GRIP2: variants seen among roughly 807,000 people sequenced by gnomAD.
GRIP2 encodes glutamate receptor interacting protein 2.
Under a neutral mutation model 108.3 loss-of-function variants are expected in GRIP2, and 58 were observed. That is an observed-to-expected ratio of 0.54 (90% CI 0.43 to 0.67). The LOEUF is 0.67. Ranked by LOEUF, GRIP2 falls within the 30% of genes least tolerant of loss-of-function variation. The pLI, the probability that GRIP2 is intolerant of heterozygous loss-of-function variation, is 0.00. For synonymous variants in GRIP2, 586 were observed against 598.2 expected (o/e 0.98, Z 0.30); for missense variants, 1,278 against 1,430.6 (o/e 0.89, Z 1.72).
At chr3:14,496,344 C>T in intron 22 of GRIP2, 73 bp downstream of exon 22, 3 of 1,354,896 alleles carry the variant, frequency 2.2e-6, no homozygotes, top group Non-Finnish European at 3.0e-6. Context: ...CAGGGCCCCT[C>T]TGGAGTCCCA....
chr3:14,595,649 C>G, the GRIP2 span, among the ~76,000 whole-genome samples: 327 of 152,340 alleles, frequency 2.1e-3, 1 homozygote, highest in Non-Finnish European at 4.0e-3. Context: ...ACCCACCCAG[C>G]CTTGGTGTGG....
At chr3:14,501,015 C>T (rs1259634641) in intron 21 of GRIP2, among the ~76,000 whole-genome samples, 1 of 152,248 alleles carries the variant, frequency 6.6e-6, no homozygotes, top group African/African-American at 2.4e-5. Flanking sequence ...AAGGCCATGG[C>T]CTTCCCTTCA....
chr3:14,586,791 T>G, the GRIP2 span, among the ~76,000 whole-genome samples: 1 of 152,218 alleles, frequency 6.6e-6, no homozygotes, highest in African/African-American at 2.4e-5. Context: ...ACAACCTTGA[T>G]GTCCAACCAT....
chr3:14,577,844 C>A, the GRIP2 span, among the ~76,000 whole-genome samples: 1 of 152,200 alleles, frequency 6.6e-6, no homozygotes. Flanking sequence ...CAGTGTCCCT[C>A]TGCCCTGATG....
chr3:14,597,524 T>C, the GRIP2 span, among the ~76,000 whole-genome samples: 3 of 152,218 alleles, frequency 2.0e-5, no homozygotes, highest in African/African-American at 7.2e-5. Flanking sequence ...ATGCTAAATC[T>C]TCTGCAGCCC....
rs377070928 is a variant in GRIP2, at chr3:14,540,333, C to T, written c.-25G>A. ...TGTTCGCTATTGTCTCCCCTGCTGC[C>T]CACCAACTCCCTCGGGAGCCACGCT... On this transcript the variant is annotated 5_prime_UTR_variant, in exon 1 of 24. Transcript: ENST00000621039. This position sits in a 1 kb window ranked among gnomAD's most constrained non-coding sequence, Gnocchi z 4.1. 1.3e-5 allele frequency: 21 copies of T among 1,613,180 alleles called. No individual in the cohort carries two copies. Among genetic ancestry groups the T allele is most frequent in the Admixed American group, 3.3e-5 (2 of 59,934 alleles).
chr3:14,590,781 G>A, the GRIP2 span, among the ~76,000 whole-genome samples: 12 of 152,254 alleles, frequency 7.9e-5, no homozygotes, highest in African/African-American at 2.9e-4. Flanking sequence ...AGGTGATTAA[G>A]TGTATAAAGG....
At position 14,491,746 on chromosome 3, in the gene GRIP2, G is replaced by C. The variant is rs1022370074; in HGVS notation, c.*1919C>G. On this transcript the variant is annotated 3_prime_UTR_variant, in exon 24 of 24. Transcript: ENST00000621039. ...CTGTCCAGCCCTGTTGCTTAGCAGAGGTCCAGAGAGGCTGAGCCACCTGTC... is the reference window on the plus strand; with the variant it reads ...CTGTCCAGCCCTGTTGCTTAGCAGACGTCCAGAGAGGCTGAGCCACCTGTC... 2 of 152,350 alleles carry C rather than the reference G, an allele frequency of 1.3e-5. No homozygotes were observed. Among genetic ancestry groups the C allele is most frequent in the African/African-American group, 4.8e-5 (2 of 41,454 alleles). 9.4% of individuals were successfully genotyped at this position (152,350 alleles called of 1,614,324 possible). A position where few individuals can be genotyped will look rare whatever the true frequency, so the allele number is the denominator to read the frequency against.
At chr3:14,580,201 G>A in the GRIP2 span, among the ~76,000 whole-genome samples, 1 of 152,184 alleles carries the variant, frequency 6.6e-6, no homozygotes, top group Non-Finnish European at 1.5e-5. Flanking sequence ...AGTAGTCCAT[G>A]GAGACCACAC....
chr3:14,503,914 G>A (rs1055968571), intron 20 of GRIP2: 2 of 541,560 alleles, frequency 3.7e-6, no homozygotes, highest in Non-Finnish European at 6.6e-6. Context: ...GTTAGAACAG[G>A]GGCAGATGAG....
chr3:14,548,214 G>C (rs1026497523), intron 1 of GRIP2, among the ~76,000 whole-genome samples: 4 of 152,236 alleles, frequency 2.6e-5, no homozygotes, highest in Admixed American at 1.3e-4. Context: ...GGGCCCTAAA[G>C]AGCAGGTGGG....
chr3:14,528,999 G>C (rs1272558600), intron 1 of GRIP2, among the ~76,000 whole-genome samples: 2 of 152,106 alleles, frequency 1.3e-5, no homozygotes, highest in East Asian at 3.9e-4. Context: ...GGCTGGGCGT[G>C]GTGGCTCACG....
intron 17 of GRIP2, among the ~76,000 whole-genome samples, chr3:14,508,921 A>G (rs1413884261): frequency 1.3e-5 from 2 of 152,196 alleles, no homozygotes; most frequent in African/African-American, 2.4e-5. Flanking sequence ...ACTGAGCTAC[A>G]TCAGCCCGGC....
Position 14,522,813 on chromosome 3 carries a change from T to C in GRIP2, c.566+187A>G, listed in dbSNP as rs1463027029. On this transcript the variant is annotated intron_variant, in intron 6 of 23. Coordinates refer to ENST00000621039, the MANE Select transcript of GRIP2 (RefSeq NM_001080423.4). The surrounding 1 kb of genome is among the most constrained non-coding windows in gnomAD (Gnocchi z 4.3). ...ATGTTGGGGAAGAAAGGGCTCGAGG[T>C]TTCCCTCATTTGGGGTTACATCCCG... The C allele has an allele frequency of 3.4e-6, 2 of 585,884 alleles. No individual in the cohort carries two copies. The highest frequency in any genetic ancestry group is 6.2e-5 in the East Asian group (2 of 32,412). 36.3% of individuals were successfully genotyped at this position (585,884 alleles called of 1,614,324 possible). A position where few individuals can be genotyped will look rare whatever the true frequency, so the allele number is the denominator to read the frequency against.
chr3:14,558,509 G>A (rs1202448278), upstream of GRIP2, among the ~76,000 whole-genome samples: 1 of 152,204 alleles, frequency 6.6e-6, no homozygotes, highest in African/African-American at 2.4e-5. Context: ...AGCTGAAATT[G>A]ACGTGTGGAG....
chr3:14,490,321 G>GC lies in GRIP2; in HGVS notation c.*3343dup, dbSNP rs1233616816. ...GCTCTTGCAAAGCGCTTAGAGCAAG[G>GC]CCTGCTGCCTCCCTTGGCCTTCCCC... On this transcript the variant is annotated 3_prime_UTR_variant, in exon 24 of 24. Coordinates refer to ENST00000621039, the MANE Select transcript of GRIP2 (RefSeq NM_001080423.4). The GC allele has an allele frequency of 6.6e-6, 1 of 152,474 alleles. No individual in the cohort carries two copies. Among genetic ancestry groups the GC allele is most frequent in the Non-Finnish European group, 1.5e-5 (1 of 68,224 alleles). 9.4% of individuals were successfully genotyped at this position (152,474 alleles called of 1,614,324 possible).
the GRIP2 span, among the ~76,000 whole-genome samples, chr3:14,602,583 CCCG>C: frequency 1.3e-5 from 2 of 151,706 alleles, no homozygotes; most frequent in Non-Finnish European, 2.9e-5. The surrounding 1 kb of genome is among the most constrained non-coding windows in gnomAD (Gnocchi z 4.7). Flanking sequence ...AGGAGCCCGA[CCCG>C]CCGGCCGGGC....
At chr3:14,542,157 T>A (rs1029615373), upstream of GRIP2, 50 of 1,008,572 alleles carry the variant, frequency 5.0e-5, no homozygotes, top group Middle Eastern at 7.2e-4. Context: ...TTTTTTATTT[T>A]TTTTATTTTT....
upstream of GRIP2, among the ~76,000 whole-genome samples, chr3:14,558,758 C>T (rs1047182137): frequency 4.6e-5 from 7 of 152,142 alleles, no homozygotes; most frequent in African/African-American, 9.7e-5. Flanking sequence ...ACACCCACCC[C>T]AGAGACCCCA....
Sources: allele counts gnomAD v4.1 joint callset (sites outside exome capture counted in the v4.1 genomes callset), GRCh38; gene constraint gnomAD v4.1.1; non-coding constraint Gnocchi (gnomAD v3.1); transcripts MANE v1.5; gene names NCBI Gene and HGNC (gene_info 2026-07-23, HGNC 2026-07-21).